The following NXPE2 variants were observed in gnomAD, a reference collection of about 807,000 sequenced individuals.
NXPE2 encodes the protein NXPE family member 2.
A neutral mutation model predicts 34.4 loss-of-function variants in NXPE2; 34 were observed. That is an observed-to-expected ratio of 0.99 (90% CI 0.75 to 1.31). The LOEUF is 1.31. Ranked by LOEUF, NXPE2 falls within the 40% of genes most tolerant of loss-of-function variation. The probability of loss-of-function intolerance (pLI) is 0.00; values close to 1 mark genes in which losing one functional copy is unlikely to be tolerated. For synonymous variants in NXPE2, 235 were observed against 231.3 expected (o/e 1.02, Z -0.15); for missense variants, 649 against 672.5 (o/e 0.97, Z 0.39).
chr11:114,680,751 A>G (rs1449427896), intron 2 of NXPE2, among the ~76,000 whole-genome samples: 1 of 152,120 alleles, frequency 6.6e-6, no homozygotes, highest in East Asian at 1.9e-4. Context: ...AGTATTAACA[A>G]GCTCCTCAGT....
chr11:114,601,631 T>A, the NXPE2 span, among the ~76,000 whole-genome samples: 2 of 81,186 alleles, frequency 2.5e-5, no homozygotes, highest in South Asian at 3.2e-4. Context: ...TATATATTAT[T>A]TATAATTATA....
At chr11:114,683,095 A>G (rs1591427529) in intron 2 of NXPE2, among the ~76,000 whole-genome samples, 1 of 152,222 alleles carries the variant, frequency 6.6e-6, no homozygotes, top group African/African-American at 2.4e-5. Context: ...AACCTGATCT[A>G]TAGAAAGACC....
chr11:114,496,884 G>A, the NXPE2 span, among the ~76,000 whole-genome samples: 5 of 151,952 alleles, frequency 3.3e-5, no homozygotes, highest in Non-Finnish European at 7.4e-5. Flanking sequence ...TGCTGATGCT[G>A]GTGTAAACAA....
chr11:114,755,197 A>G, the NXPE2 span, among the ~76,000 whole-genome samples: 5 of 152,316 alleles, frequency 3.3e-5, no homozygotes, highest in East Asian at 9.6e-4. Flanking sequence ...AAATAGAATT[A>G]ACAGCATGTT....
the NXPE2 span, among the ~76,000 whole-genome samples, chr11:114,794,390 T>C: frequency 0.28 from 42,021 of 152,094 alleles, 5,960 homozygotes; most frequent in Admixed American, 0.35. Flanking sequence ...GTTGGCCCAA[T>C]CATGATGAAT....
the NXPE2 span, chr11:114,551,057 G>A: frequency 3.8e-6 from 4 of 1,054,360 alleles, no homozygotes; most frequent in African/African-American, 6.3e-5. Context: ...CGTCACACAG[G>A]TGAGGGCTTA....
chr11:114,782,222 T>C, the NXPE2 span, among the ~76,000 whole-genome samples: 1 of 152,240 alleles, frequency 6.6e-6, no homozygotes, highest in Non-Finnish European at 1.5e-5. Context: ...GTTGAATCCA[T>C]GGATACCAAA....
the NXPE2 span, among the ~76,000 whole-genome samples, chr11:114,751,382 C>T: frequency 1.3e-5 from 2 of 152,138 alleles, no homozygotes; most frequent in Admixed American, 1.3e-4. Flanking sequence ...TACACTAATT[C>T]AACAGACATT....
At chr11:114,609,920 G>A in the NXPE2 span, among the ~76,000 whole-genome samples, 1,290 of 151,038 alleles carry the variant, frequency 8.5e-3, 21 homozygotes, top group African/African-American at 0.029. Context: ...ACCATTAACC[G>A]GTGGATAATA....
At chr11:114,584,094 A>G in the NXPE2 span, 6 of 296,898 alleles carry the variant, frequency 2.0e-5, no homozygotes, top group Non-Finnish European at 4.0e-5. Context: ...ATCAAAGGGC[A>G]TGCCAAGTGT....
chr11:114,589,367 A>G, the NXPE2 span, among the ~76,000 whole-genome samples: 3 of 152,116 alleles, frequency 2.0e-5, no homozygotes, highest in African/African-American at 7.2e-5. Flanking sequence ...CCTTCTGGAC[A>G]CCAGAGCCAG....
chr11:114,731,543 T>G, the NXPE2 span, among the ~76,000 whole-genome samples: 1 of 152,082 alleles, frequency 6.6e-6, no homozygotes. Flanking sequence ...TACTCAGCAA[T>G]AAAAAGGAAC....
At chr11:114,638,584 A>G in the NXPE2 span, among the ~76,000 whole-genome samples, 1 of 151,434 alleles carries the variant, frequency 6.6e-6, no homozygotes. Flanking sequence ...TTTTTTCCCC[A>G]TCTTTGTGGT....
the NXPE2 span, among the ~76,000 whole-genome samples, chr11:114,752,814 T>G: frequency 1.0e-3 from 153 of 152,294 alleles, no homozygotes; most frequent in African/African-American, 3.3e-3. Context: ...AGTAACCAAT[T>G]GGATATACTA....
At chr11:114,660,478 G>A in the NXPE2 span, among the ~76,000 whole-genome samples, 1 of 151,974 alleles carries the variant, frequency 6.6e-6, no homozygotes, top group African/African-American at 2.4e-5. Flanking sequence ...ATCAATCAAA[G>A]TAATCACCAT....
the NXPE2 span, among the ~76,000 whole-genome samples, chr11:114,631,483 T>G: frequency 7.9e-6 from 1 of 126,236 alleles, no homozygotes; most frequent in Non-Finnish European, 1.6e-5. Flanking sequence ...TGAGAACACA[T>G]GGACACAGGA....
the NXPE2 span, among the ~76,000 whole-genome samples, chr11:114,525,107 A>G: frequency 1.6e-3 from 243 of 152,026 alleles, no homozygotes; most frequent in African/African-American, 5.4e-3. Flanking sequence ...TCTGGGGGTA[A>G]TGGTGTGGAG....
intron 5 of NXPE2, 89 bp downstream of exon 5, chr11:114,706,085 A>ATTTAT (rs61693681): frequency 0.33 from 126,240 of 381,778 alleles, 27,269 homozygotes; most frequent in South Asian, 0.41. Context: ...CTTTTCTAAT[A>ATTTAT]TTTATTTTAT....
chr11:114,675,420 C>CA (rs1488837746), upstream of NXPE2, among the ~76,000 whole-genome samples: 1 of 151,516 alleles, frequency 6.6e-6, no homozygotes, highest in Non-Finnish European at 1.5e-5. Flanking sequence ...AAGACTCCAC[C>CA]AAAAAACTGT....
Sources: allele counts gnomAD v4.1 joint callset (sites outside exome capture counted in the v4.1 genomes callset), GRCh38; gene constraint gnomAD v4.1.1; transcripts MANE v1.5; gene names NCBI Gene and HGNC (gene_info 2026-07-23, HGNC 2026-07-21).